The following BMP5 variants were observed in gnomAD, a reference collection of about 807,000 sequenced individuals.
BMP5 encodes the protein bone morphogenetic protein 5.
Under a neutral mutation model 46.6 loss-of-function variants are expected in BMP5, and 23 were observed. The ratio of observed to expected loss-of-function variants is 0.49; its 90% CI spans 0.35 to 0.70. The LOEUF is 0.70. Among genes scored for constraint, BMP5 ranks in the 30% least tolerant of loss-of-function variants. BMP5 has a pLI of 0.00. For missense variants in BMP5, 545 were observed against 565.6 expected (o/e 0.96, Z 0.37); for synonymous variants, 204 against 191.9 (o/e 1.06, Z -0.52).
intron 6 of BMP5, among the ~76,000 whole-genome samples, chr6:55,758,792 G>A (rs1774678483): frequency 6.6e-6 from 1 of 151,754 alleles, no homozygotes; most frequent in Non-Finnish European, 1.5e-5. Flanking sequence ...TTTCCTAGCT[G>A]AATCCTTCTC....
At chr6:55,858,142 T>C (rs1197042165) in intron 1 of BMP5, among the ~76,000 whole-genome samples, 1 of 152,226 alleles carries the variant, frequency 6.6e-6, no homozygotes, top group Non-Finnish European at 1.5e-5. Flanking sequence ...TATAGAAGGT[T>C]ATTTGAACAT....
At chr6:55,795,042 T>C (rs953152506) in intron 2 of BMP5, among the ~76,000 whole-genome samples, 4 of 152,128 alleles carry the variant, frequency 2.6e-5, no homozygotes, top group African/African-American at 7.2e-5. Context: ...TTAAGTCCCC[T>C]TGGGACAGTA....
At chr6:55,800,779 T>C (rs1271546987) in intron 2 of BMP5, among the ~76,000 whole-genome samples, 1 of 152,182 alleles carries the variant, frequency 6.6e-6, no homozygotes, top group East Asian at 1.9e-4. Context: ...TATTTTTTCA[T>C]AAGGAAATTT....
intron 6 of BMP5, among the ~76,000 whole-genome samples, chr6:55,758,318 A>G (rs1309621813): frequency 6.6e-6 from 1 of 151,896 alleles, no homozygotes; most frequent in Non-Finnish European, 1.5e-5. Context: ...TCGATAGGCC[A>G]GATGCTATGA....
At position 55,867,060 on chromosome 6, in the gene BMP5, C is replaced by T. The variant is rs113869623; in HGVS notation, c.490+7316G>A. 4.2e-3 allele frequency among the ~76,000 whole-genome samples: 639 copies of T among 152,282 alleles called. 6 individuals are homozygous for T. The highest frequency in any genetic ancestry group is 0.015 in the African/African-American group (615 of 41,550). On this transcript the variant is annotated intron_variant, in intron 1 of 6. Coordinates refer to ENST00000370830, the MANE Select transcript of BMP5 (RefSeq NM_021073.4). ...TTCCATTTGTACCTCAAGATCCACT[C>T]TCCACATTTCCCTATTCTGCTATTC...
chr6:55,808,543 T>A (rs943189978), intron 2 of BMP5, among the ~76,000 whole-genome samples: 2 of 152,188 alleles, frequency 1.3e-5, no homozygotes, highest in African/African-American at 4.8e-5. Context: ...AGATTCTAGC[T>A]TACTGGCTGT....
intron 3 of BMP5, among the ~76,000 whole-genome samples, chr6:55,778,873 C>A (rs939084945): frequency 6.6e-6 from 1 of 152,022 alleles, no homozygotes. Flanking sequence ...ATCTGCTACT[C>A]TAACCCAAAT....
At chr6:55,863,214 C>A (rs73450206) in intron 1 of BMP5, among the ~76,000 whole-genome samples, 1 of 152,046 alleles carries the variant, frequency 6.6e-6, no homozygotes, top group African/African-American at 2.4e-5. Context: ...CTATATACTG[C>A]GGTAATTTAG....
chr6:55,853,210 AATAAAATAAG>A (rs1412743172), intron 1 of BMP5, among the ~76,000 whole-genome samples: 10 of 96,444 alleles, frequency 1.0e-4, no homozygotes, highest in Non-Finnish European at 1.9e-4. Flanking sequence ...AATAAAATAA[AATAAAATAAG>A]ATAAAATACA....
chr6:55,854,395 A>T (rs1484696424), intron 1 of BMP5, among the ~76,000 whole-genome samples: 1 of 152,090 alleles, frequency 6.6e-6, no homozygotes, highest in African/African-American at 2.4e-5. Flanking sequence ...TTTCATTTCA[A>T]TAAAATTAAT....
chr6:55,831,645 T>C (rs571989614), intron 1 of BMP5, among the ~76,000 whole-genome samples: 1 of 141,072 alleles, frequency 7.1e-6, no homozygotes, highest in South Asian at 2.2e-4. Flanking sequence ...CTTTAAAAAA[T>C]AAAAAAAAAA....
Position 55,792,328 on chromosome 6 carries a change from T to C in BMP5, c.832+1951A>G, listed in dbSNP as rs1377647151. ...GCGGGCGGATCACGAGGTCAGGAGA[T>C]CGAGACCATCCTGGCTAACACGGTG... is the stretch of plus-strand genomic sequence containing the variant. On this transcript the variant is annotated intron_variant, in intron 3 of 6. Transcript: ENST00000370830. Among the ~76,000 whole-genome samples the C allele has an allele frequency of 2.0e-5, 3 of 152,042 alleles. No homozygotes were observed. In the East Asian group the frequency reaches 5.8e-4, roughly 29 times the overall value.
At position 55,780,407 on chromosome 6, in the gene BMP5, T is replaced by TTGGCC. The variant is rs1775281406; in HGVS notation, c.833-6165_833-6164insGGCCA. Among the ~76,000 whole-genome samples, 11 of 124,362 alleles carry TTGGCC rather than the reference T, an allele frequency of 8.8e-5. No homozygotes were observed. The Admixed American group carries it at 1.2e-3, about 13-fold the overall frequency. The allele number at this position is 124,362 out of a possible 152,430, so 81.6% of individuals were successfully genotyped here. On this transcript the variant is annotated intron_variant, in intron 3 of 6. Transcript: ENST00000370830. ...AGGCCAAGGTGGGCCAATCACAAGGTCAGAAGATCGAGACCATTCTGGTTA... is the reference window on the plus strand; with the variant it reads ...AGGCCAAGGTGGGCCAATCACAAGGTTGGCCCAGAAGATCGAGACCATTCTGGTTA...
chr6:55,823,953 C>T (rs1160407070), intron 1 of BMP5, among the ~76,000 whole-genome samples: 1 of 151,940 alleles, frequency 6.6e-6, no homozygotes, highest in Non-Finnish European at 1.5e-5. Context: ...TAACATCATA[C>T]TTTCACTACA....
chr6:55,813,652 TGGCA>T (rs1306724062), intron 2 of BMP5, among the ~76,000 whole-genome samples: 1 of 151,964 alleles, frequency 6.6e-6, no homozygotes, highest in East Asian at 1.9e-4. Context: ...CCAGGCGTGG[TGGCA>T]GGCGCCTGTA....
At chr6:55,857,938 A>C (rs968909822) in intron 1 of BMP5, among the ~76,000 whole-genome samples, 1 of 152,126 alleles carries the variant, frequency 6.6e-6, no homozygotes, top group Non-Finnish European at 1.5e-5. Flanking sequence ...GGGTTTCACC[A>C]TGCTGGCCAG....
At chr6:55,849,364 C>T (rs1777169697) in intron 1 of BMP5, among the ~76,000 whole-genome samples, 1 of 151,964 alleles carries the variant, frequency 6.6e-6, no homozygotes, top group Admixed American at 6.6e-5. Context: ...GACATGTGCA[C>T]ACATATACCA....
In BMP5 at chr6:55,861,581, A is replaced by C. The variant is rs553911048; in HGVS notation, c.490+12795T>G. ...ATGTCAGTATCTTTGGTGTCTGCACAGTGCTTCTTTTCCTCTGTTTCATGA... is the reference window on the plus strand; with the variant it reads ...ATGTCAGTATCTTTGGTGTCTGCACCGTGCTTCTTTTCCTCTGTTTCATGA... On this transcript the variant is annotated intron_variant, in intron 1 of 6. Transcript: ENST00000370830. 5.3e-5 allele frequency among the ~76,000 whole-genome samples: 8 copies of C among 152,364 alleles called. No homozygotes were observed. In the East Asian group the frequency reaches 1.5e-3, roughly 29 times the overall value.
chr6:55,780,470 A>AAAAAAAAG (rs1554181020), intron 3 of BMP5, among the ~76,000 whole-genome samples: 5,510 of 131,084 alleles, frequency 0.042, 172 homozygotes, highest in Non-Finnish European at 0.072. Flanking sequence ...AAAAAAAAAA[A>AAAAAAAAG]AAAGAAAGAA....
Sources: allele counts gnomAD v4.1 joint callset (sites outside exome capture counted in the v4.1 genomes callset), GRCh38; gene constraint gnomAD v4.1.1; transcripts MANE v1.5; gene names NCBI Gene and HGNC (gene_info 2026-07-23, HGNC 2026-07-21).